SAMD3: variants seen among roughly 807,000 people sequenced by gnomAD.
SAMD3 encodes sterile alpha motif domain-containing protein 3.
A neutral mutation model predicts 58.5 loss-of-function variants in SAMD3; 63 were observed. That is an observed-to-expected ratio of 1.08 (90% CI 0.88 to 1.33). The LOEUF is 1.33. Ranked by LOEUF, SAMD3 falls within the 40% of genes most tolerant of loss-of-function variation. SAMD3 has a pLI of 0.00. For missense variants in SAMD3, 604 were observed against 608.4 expected (o/e 0.99, Z 0.08); for synonymous variants, 220 against 210.3 (o/e 1.05, Z -0.40).
intron 2 of SAMD3, chr6:130,215,696 T>A (rs1262513730): frequency 6.9e-7 from 1 of 1,447,602 alleles, no homozygotes; most frequent in Non-Finnish European, 9.1e-7. Flanking sequence ...GTGGTTGACA[T>A]TTACAGAAGG....
intron 2 of SAMD3, among the ~76,000 whole-genome samples, chr6:130,243,746 G>T (rs565554892): frequency 2.0e-5 from 3 of 152,084 alleles, no homozygotes; most frequent in Non-Finnish European, 4.4e-5. Context: ...GAACTTGGGC[G>T]TTTTCCCAAA....
intron 8 of SAMD3, among the ~76,000 whole-genome samples, chr6:130,167,957 T>C (rs1294210640): frequency 1.3e-5 from 2 of 152,214 alleles, no homozygotes; most frequent in African/African-American, 4.8e-5. Flanking sequence ...TCACAGGTGG[T>C]GCTTTGGCAT....
chr6:130,246,335 A>G (rs1246006629), intron 2 of SAMD3, among the ~76,000 whole-genome samples: 1 of 152,246 alleles, frequency 6.6e-6, no homozygotes, highest in Non-Finnish European at 1.5e-5. Flanking sequence ...AAAATGAAAC[A>G]AAGGAACACA....
chr6:130,349,328 C>G (rs1777570521), intron 1 of SAMD3, among the ~76,000 whole-genome samples: 1 of 151,994 alleles, frequency 6.6e-6, no homozygotes, highest in Admixed American at 6.6e-5. Flanking sequence ...TGATAGACCG[C>G]TAGCAAGACT....
At chr6:130,320,904 T>C (rs1227107750) in intron 1 of SAMD3, among the ~76,000 whole-genome samples, 1 of 152,226 alleles carries the variant, frequency 6.6e-6, no homozygotes, top group African/African-American at 2.4e-5. Flanking sequence ...AATCTTGCTG[T>C]TCTTTGAACA....
chr6:130,225,524 T>C (rs1232423500), upstream of SAMD3, among the ~76,000 whole-genome samples: 1 of 152,214 alleles, frequency 6.6e-6, no homozygotes, highest in Non-Finnish European at 1.5e-5. Context: ...TTCAGTAAGA[T>C]AGGCATATTA....
intron 5 of SAMD3, among the ~76,000 whole-genome samples, chr6:130,200,812 T>A (rs1794589966): frequency 6.6e-6 from 1 of 152,248 alleles, no homozygotes; most frequent in Non-Finnish European, 1.5e-5. Context: ...CTCTGTTGAG[T>A]GTTTTCTATA....
intron 1 of SAMD3, among the ~76,000 whole-genome samples, chr6:130,351,183 A>G (rs1234494059): frequency 4.6e-5 from 7 of 152,240 alleles, no homozygotes; most frequent in African/African-American, 7.2e-5. Context: ...CTTTTTGTCT[A>G]AAACACCAAA....
intron 2 of SAMD3, among the ~76,000 whole-genome samples, chr6:130,278,016 T>C (rs1774843756): frequency 1.3e-5 from 2 of 152,138 alleles, no homozygotes; most frequent in Admixed American, 1.3e-4. Context: ...TTAGGGGCCA[T>C]GCAGCTGGAA....
chr6:130,224,077 T>A (rs980108487), upstream of SAMD3, among the ~76,000 whole-genome samples: 4 of 151,742 alleles, frequency 2.6e-5, no homozygotes, highest in African/African-American at 9.7e-5. Context: ...GGGAAGGCGG[T>A]CTTCCCCTGG....
At chr6:130,334,705 A>G (rs2115016529) in intron 1 of SAMD3, among the ~76,000 whole-genome samples, 1 of 152,338 alleles carries the variant, frequency 6.6e-6, no homozygotes, top group Non-Finnish European at 1.5e-5. Context: ...AGAGACTCGT[A>G]TTTGGAAGAT....
At chr6:130,235,206 T>A (rs1773104294) in intron 2 of SAMD3, among the ~76,000 whole-genome samples, 2 of 152,192 alleles carry the variant, frequency 1.3e-5, no homozygotes. Context: ...AACAGCTAAG[T>A]TTTTCTCTGA....
At chr6:130,181,683 G>T (rs1792341825) in intron 7 of SAMD3, among the ~76,000 whole-genome samples, 1 of 152,266 alleles carries the variant, frequency 6.6e-6, no homozygotes, top group Non-Finnish European at 1.5e-5. Context: ...TATATGCAAA[G>T]ATTCTCTAGA....
intron 1 of SAMD3, among the ~76,000 whole-genome samples, chr6:130,328,281 G>C (rs986474476): frequency 3.3e-5 from 5 of 152,338 alleles, no homozygotes; most frequent in African/African-American, 1.2e-4. Context: ...CCTGGTCTCT[G>C]ATTGCTGGTT....
intron 2 of SAMD3, among the ~76,000 whole-genome samples, chr6:130,268,860 C>G (rs1583030032): frequency 6.6e-6 from 1 of 152,214 alleles, no homozygotes; most frequent in East Asian, 1.9e-4. Context: ...CTGTACTATT[C>G]CTTTGTCAGA....
chr6:130,282,765 A>G (rs1175163475), intron 2 of SAMD3, among the ~76,000 whole-genome samples: 3 of 152,266 alleles, frequency 2.0e-5, no homozygotes, highest in Non-Finnish European at 2.9e-5. Context: ...TGCAGGCTCA[A>G]GATTCAAAAT....
At chr6:130,365,220 G>C (rs1256635632) in exon 1 of SAMD3, 5 of 985,382 alleles carry the variant, frequency 5.1e-6, no homozygotes, top group Non-Finnish European at 6.0e-6. Flanking sequence ...TGGATGTTTG[G>C]GGTCAAGGAG....
At chr6:130,343,982 A>AAAAG (rs1362020617) in intron 1 of SAMD3, among the ~76,000 whole-genome samples, 2 of 151,872 alleles carry the variant, frequency 1.3e-5, no homozygotes, top group African/African-American at 4.8e-5. Flanking sequence ...AACAAAAAAA[A>AAAAG]AAGGGTCAAG....
intron 8 of SAMD3, among the ~76,000 whole-genome samples, chr6:130,174,461 C>G (rs951189843): frequency 6.6e-6 from 1 of 152,176 alleles, no homozygotes; most frequent in African/African-American, 2.4e-5. Flanking sequence ...ATGCCTCACC[C>G]AGCTTCTGTT....
Sources: gnomAD v4.1 joint callset for allele counts (sites outside exome capture counted in the v4.1 genomes callset) on GRCh38, gnomAD v4.1.1 for gene constraint, MANE v1.5 for transcripts, NCBI Gene and HGNC (gene_info 2026-07-23, HGNC 2026-07-21) for gene names.